MAGI1: variants seen among roughly 807,000 people sequenced by gnomAD.
The protein encoded by MAGI1 is membrane associated guanylate kinase, WW and PDZ domain containing 1.
MAGI1 carries 58 observed loss-of-function variants against 139.9 expected under a neutral mutation model. The ratio of observed to expected loss-of-function variants is 0.41; its 90% CI spans 0.34 to 0.52. The LOEUF is 0.52. MAGI1 is among the 20% of genes least tolerant of loss of function. The pLI is 0.12. For missense variants in MAGI1, 1,874 were observed against 1,901.6 expected, an observed-to-expected ratio of 0.99 and a Z score of 0.27; for synonymous variants, 812 against 737.9, an observed-to-expected ratio of 1.10 and a Z score of -1.63.
Position 65,361,343 on chromosome 3 carries a change from A to G in MAGI1, c.3496-6T>C. ...TCTAAAATTTCATCACCAATCTGCC[A>G]AAGCAAAAGAAAACTAAGTGAGATT... On this transcript the variant is annotated splice_region_variant and splice_polypyrimidine_tract_variant and intron_variant, in intron 21 of 22. Transcript: ENST00000402939. 1.2e-6 allele frequency: 2 copies of G among 1,612,710 alleles called. No homozygotes were observed. Among genetic ancestry groups the G allele is most frequent in the African/African-American group, 2.7e-5 (2 of 74,986 alleles).
At chr3:65,930,256 C>T (rs755397815) in intron 1 of MAGI1, among the ~76,000 whole-genome samples, 25 of 137,646 alleles carry the variant, frequency 1.8e-4, no homozygotes, top group Non-Finnish European at 3.8e-4. Context: ...GCGGAGCTTG[C>T]AGTGAGCCGA....
intron 16 of MAGI1, 36 bp from the exon 17 acceptor site, chr3:65,379,590 C>T (rs371104306): frequency 6.4e-7 from 1 of 1,574,280 alleles, no homozygotes; most frequent in African/African-American, 1.3e-5. Context: ...ATCACCGTGT[C>T]CTGCAGCCCC....
Position 65,915,769 on chromosome 3 carries a change from T to C in MAGI1, c.313+122227A>G, listed in dbSNP as rs561631977. ...AAAATGATGACTATCAGGTAACTAA[T>C]GGCATTTTATACTTCCTGGCTTTCC... On this transcript the variant is annotated intron_variant, in intron 1 of 22. Transcript: ENST00000402939. Among the ~76,000 whole-genome samples, 17 of 152,180 alleles carry C rather than the reference T, an allele frequency of 1.1e-4. No individual in the cohort carries two copies. The East Asian group carries it at 2.1e-3, about 19-fold the overall frequency.
intron 2 of MAGI1, among the ~76,000 whole-genome samples, chr3:65,589,367 C>T (rs987240876): frequency 6.6e-6 from 1 of 152,174 alleles, no homozygotes; most frequent in African/African-American, 2.4e-5. Flanking sequence ...CCCCTTGTGA[C>T]TTTCCCGTCT....
chr3:65,675,270 C>A (rs1191194237), intron 1 of MAGI1, among the ~76,000 whole-genome samples: 1 of 152,120 alleles, frequency 6.6e-6, no homozygotes, highest in Non-Finnish European at 1.5e-5. Flanking sequence ...GAAACAGCAA[C>A]ATATCAGCCT....
At chr3:65,720,582 C>T (rs7610241) in intron 1 of MAGI1, among the ~76,000 whole-genome samples, 62,840 of 151,850 alleles carry the variant, frequency 0.41, 13,539 homozygotes, top group African/African-American at 0.51. Context: ...GCATCACCCA[C>T]GGTAAGCTCA....
chr3:65,391,390 A>T (rs1943910832), intron 13 of MAGI1, 32 bp from the exon 14 acceptor site: 1 of 1,581,054 alleles, frequency 6.3e-7, no homozygotes, highest in Non-Finnish European at 8.7e-7. Context: ...GGGCAAGAAG[A>T]AAAGATTATT....
chr3:65,356,739 T>C lies in MAGI1; in HGVS notation c.4028A>G (p.His1343Arg). The change falls in exon 23 of 23, where the codon CAC becomes CGC. Residue 1343 changes from histidine to arginine, a missense_variant. Physicochemically the swap from His to Arg is conservative, Grantham distance 29 (BLOSUM62 0). Coordinates refer to ENST00000402939, the MANE Select transcript of MAGI1 (RefSeq NM_001033057.2). ...ADNTLERREK[H>R]EKRRDVSPER... ...CGGAGAGACGTCTCGTCTCTTCTCGTGCTTCTCCCTCCTCTCCAAAGTGTT... is the reference window on the plus strand; with the variant it reads ...CGGAGAGACGTCTCGTCTCTTCTCGCGCTTCTCCCTCCTCTCCAAAGTGTT... The C allele has an allele frequency of 6.3e-7, 1 of 1,596,720 alleles. No individual in the cohort carries two copies. The highest frequency in any genetic ancestry group is 8.5e-7 in the Non-Finnish European group (1 of 1,172,030).
intron 1 of MAGI1, among the ~76,000 whole-genome samples, chr3:65,629,901 A>G (rs2084193615): frequency 6.6e-6 from 1 of 152,204 alleles, no homozygotes; most frequent in Non-Finnish European, 1.5e-5. Context: ...ATGCTACAGA[A>G]CCACATACTT....
intron 1 of MAGI1, among the ~76,000 whole-genome samples, chr3:65,957,451 GT>G (rs1473794349): frequency 4.0e-5 from 6 of 150,550 alleles, no homozygotes; most frequent in African/African-American, 1.5e-4. Context: ...AGCCTGGGAG[GT>G]GGAGGCTGCA....
chr3:65,643,221 G>A (rs1232641663), intron 1 of MAGI1, among the ~76,000 whole-genome samples: 3 of 152,132 alleles, frequency 2.0e-5, no homozygotes, highest in African/African-American at 7.2e-5. Context: ...GGGTCCCTTA[G>A]AAGAGCTGGA....
intron 1 of MAGI1, among the ~76,000 whole-genome samples, chr3:65,625,839 GAATAA>G (rs1011402988): frequency 3.9e-5 from 6 of 152,154 alleles, no homozygotes; most frequent in Non-Finnish European, 5.9e-5. Flanking sequence ...TTCTAGAAGT[GAATAA>G]AAATCTACCT....
chr3:66,037,969 G>C (rs774286154), intron 1 of MAGI1, 27 bp downstream of exon 1: 43 of 1,520,014 alleles, frequency 2.8e-5, no homozygotes, highest in Non-Finnish European at 3.6e-5. Context: ...TTCTCGGGGC[G>C]CCCCCCAAAG....
intron 8 of MAGI1, among the ~76,000 whole-genome samples, chr3:65,442,455 C>T (rs1481146639): frequency 6.6e-6 from 1 of 151,094 alleles, no homozygotes; most frequent in African/African-American, 2.4e-5. Context: ...AATCCCTCTT[C>T]ATCTGGTCTA....
At chr3:65,525,027 G>T (rs2078321981) in intron 2 of MAGI1, among the ~76,000 whole-genome samples, 1 of 152,248 alleles carries the variant, frequency 6.6e-6, no homozygotes, top group Non-Finnish European at 1.5e-5. Flanking sequence ...TGTGCTGCTT[G>T]CTAGAAATCA....
At chr3:65,417,607 T>C (rs1946322552) in intron 12 of MAGI1, among the ~76,000 whole-genome samples, 1 of 151,984 alleles carries the variant, frequency 6.6e-6, no homozygotes, top group Admixed American at 6.6e-5. Context: ...AAGAAAGTCC[T>C]AGGAAATGGA....
chr3:65,699,419 C>A (rs1179298535), intron 1 of MAGI1, among the ~76,000 whole-genome samples: 2 of 148,478 alleles, frequency 1.3e-5, no homozygotes, highest in Admixed American at 6.7e-5. Context: ...TGTAAAGACA[C>A]ACGCACACAT....
chr3:65,894,612 A>C (rs2060896557), intron 1 of MAGI1, among the ~76,000 whole-genome samples: 2 of 152,228 alleles, frequency 1.3e-5, no homozygotes, highest in Non-Finnish European at 2.9e-5. Flanking sequence ...AGAGAAATAC[A>C]ATACCAAGAG....
intron 1 of MAGI1, among the ~76,000 whole-genome samples, chr3:65,840,586 C>A (rs2058770463): frequency 6.6e-6 from 1 of 152,040 alleles, no homozygotes; most frequent in South Asian, 2.1e-4. Context: ...AATACTGAAC[C>A]AGCTTTATAT....
Sources: allele counts gnomAD v4.1 joint callset (sites outside exome capture counted in the v4.1 genomes callset), GRCh38; gene constraint gnomAD v4.1.1; transcripts MANE v1.5; gene names NCBI Gene and HGNC (gene_info 2026-07-23, HGNC 2026-07-21).